DSCAM: variants seen among roughly 807,000 people sequenced by gnomAD.
DSCAM encodes the protein cell adhesion molecule DSCAM.
In DSCAM, 47 loss-of-function variants were observed where a neutral mutation model predicts 217.7. That is an observed-to-expected ratio of 0.22 (90% CI 0.17 to 0.28). The LOEUF is 0.28. DSCAM is among the 10% of genes least tolerant of loss of function. The pLI is 1.00. For synonymous variants in DSCAM, 1,056 were observed against 1,015.3 expected (o/e 1.04, Z -0.76); for missense variants, 2,080 against 2,618.3 (o/e 0.79, Z 4.49).
chr21:40,494,905 A>G (rs2146020988), intron 3 of DSCAM, among the ~76,000 whole-genome samples: 1 of 152,046 alleles, frequency 6.6e-6, no homozygotes, highest in East Asian at 1.9e-4. Context: ...ATAAAAGGAG[A>G]AACATTACAC....
chr21:40,418,835 G>C (rs1230998416), intron 3 of DSCAM, among the ~76,000 whole-genome samples: 1 of 151,638 alleles, frequency 6.6e-6, no homozygotes, highest in African/African-American at 2.4e-5. Context: ...AACTATAAAT[G>C]TTTCACAAAA....
chr21:40,664,267 G>C (rs2090174757), intron 3 of DSCAM, among the ~76,000 whole-genome samples: 1 of 152,194 alleles, frequency 6.6e-6, no homozygotes, highest in African/African-American at 2.4e-5. Context: ...GAAGGAGTAA[G>C]TGGGGACTCC....
intron 15 of DSCAM, among the ~76,000 whole-genome samples, chr21:40,169,277 T>C (rs1421668741): frequency 2.0e-5 from 3 of 152,140 alleles, no homozygotes; most frequent in Admixed American, 6.6e-5. Context: ...TGAAACCTGA[T>C]TGTTGCTTTT....
At chr21:40,677,549 C>T (rs2090354273) in intron 3 of DSCAM, among the ~76,000 whole-genome samples, 2 of 152,126 alleles carry the variant, frequency 1.3e-5, no homozygotes, top group East Asian at 1.9e-4. Flanking sequence ...ATGATCCCCC[C>T]AAAAAGTCAA....
intron 8 of DSCAM, among the ~76,000 whole-genome samples, chr21:40,334,236 A>G (rs1389070941): frequency 1.3e-5 from 2 of 152,080 alleles, no homozygotes; most frequent in Non-Finnish European, 2.9e-5. Context: ...CTACTCTCCC[A>G]TATCTAATTT....
intron 20 of DSCAM, among the ~76,000 whole-genome samples, chr21:40,098,466 G>A (rs2089710528): frequency 6.6e-6 from 1 of 152,220 alleles, no homozygotes; most frequent in Admixed American, 6.5e-5. Context: ...CACAAGACCA[G>A]ACAACTGCAG....
At chr21:40,175,807 A>ACACACACACG (rs531907462) in intron 15 of DSCAM, among the ~76,000 whole-genome samples, 1 of 88,176 alleles carries the variant, frequency 1.1e-5, no homozygotes, top group African/African-American at 3.5e-5. Context: ...ACACACACAC[A>ACACACACACG]CGCACACACA....
intron 15 of DSCAM, among the ~76,000 whole-genome samples, chr21:40,172,576 A>G (rs2090671171): frequency 6.6e-6 from 1 of 152,150 alleles, no homozygotes; most frequent in South Asian, 2.1e-4. Flanking sequence ...TCCCTCCCAG[A>G]GCTGAGACTC....
At chr21:40,614,654 G>A (rs1022055893) in intron 3 of DSCAM, among the ~76,000 whole-genome samples, 2 of 152,072 alleles carry the variant, frequency 1.3e-5, no homozygotes, top group African/African-American at 4.8e-5. Context: ...GTTAATCACA[G>A]CCTGACATGT....
chr21:40,419,908 G>C (rs2123815756), intron 3 of DSCAM, among the ~76,000 whole-genome samples: 1 of 151,960 alleles, frequency 6.6e-6, no homozygotes, highest in South Asian at 2.1e-4. Context: ...TTTTATTCTT[G>C]GCTTTTACAC....
At chr21:40,259,868 A>C (rs2073426613) in intron 11 of DSCAM, among the ~76,000 whole-genome samples, 2 of 151,340 alleles carry the variant, frequency 1.3e-5, no homozygotes, top group South Asian at 2.1e-4. Context: ...TGTTCGGTGT[A>C]CTCTTGTACA....
chr21:40,443,091 T>C (rs1000151911), intron 3 of DSCAM, among the ~76,000 whole-genome samples: 2 of 152,234 alleles, frequency 1.3e-5, no homozygotes, highest in African/African-American at 2.4e-5. Flanking sequence ...CTCACACCTG[T>C]GGATCATATC....
chr21:40,019,069 G>A (rs914380855), intron 32 of DSCAM, among the ~76,000 whole-genome samples: 2 of 152,232 alleles, frequency 1.3e-5, no homozygotes, highest in African/African-American at 4.8e-5. Context: ...TCAGCGGTAA[G>A]CTCTGTTATT....
At chr21:40,495,314 C>A (rs1046720754) in intron 3 of DSCAM, among the ~76,000 whole-genome samples, 4 of 152,100 alleles carry the variant, frequency 2.6e-5, no homozygotes, top group African/African-American at 9.7e-5. Flanking sequence ...CCAAATTCAA[C>A]AGCGCACTAC....
At chr21:40,627,285 A>G (rs528130715) in intron 3 of DSCAM, among the ~76,000 whole-genome samples, 1 of 152,362 alleles carries the variant, frequency 6.6e-6, no homozygotes, top group East Asian at 1.9e-4. Flanking sequence ...TCACAGTGAT[A>G]GCTGAGTGGA....
chr21:40,127,424 TTTC>T (rs1347281883), intron 19 of DSCAM, among the ~76,000 whole-genome samples: 1 of 152,220 alleles, frequency 6.6e-6, no homozygotes, highest in Admixed American at 6.5e-5. Context: ...AATCTGAGTT[TTTC>T]TTATGAAGGT....
intron 32 of DSCAM, among the ~76,000 whole-genome samples, chr21:40,029,219 A>C (rs1601243960): frequency 6.6e-6 from 1 of 152,088 alleles, no homozygotes; most frequent in East Asian, 1.9e-4. Context: ...TCTTCTTCTT[A>C]TGATGTTTAT....
chr21:40,574,659 T>A (rs2076834403), intron 3 of DSCAM, among the ~76,000 whole-genome samples: 1 of 152,008 alleles, frequency 6.6e-6, no homozygotes, highest in South Asian at 2.1e-4. Context: ...GATAATACAT[T>A]TCAAAAGCCA....
At chr21:40,616,734 T>C (rs2089399274) in intron 3 of DSCAM, among the ~76,000 whole-genome samples, 1 of 152,140 alleles carries the variant, frequency 6.6e-6, no homozygotes, top group African/African-American at 2.4e-5. Context: ...AGAATGGTTA[T>C]TGGCCGGGCG....
Sources: allele counts gnomAD v4.1 joint callset (sites outside exome capture counted in the v4.1 genomes callset), GRCh38; gene constraint gnomAD v4.1.1; transcripts MANE v1.5; gene names NCBI Gene and HGNC (gene_info 2026-07-23, HGNC 2026-07-21).